The following ITGAD variants were observed in gnomAD, a reference collection of about 807,000 sequenced individuals.
ITGAD encodes integrin subunit alpha D, also known as integrin alpha-D.
ITGAD carries 105 observed loss-of-function variants against 139.0 expected under a neutral mutation model. The observed-to-expected ratio is 0.76, with a 90% CI of 0.65 to 0.89. The LOEUF (loss-of-function observed/expected upper bound fraction) is 0.89. Ranked by LOEUF, ITGAD falls within the 40% of genes least tolerant of loss-of-function variation. The probability of loss-of-function intolerance (pLI) is 0.00; values close to 1 mark genes in which losing one functional copy is unlikely to be tolerated. For synonymous variants in ITGAD, 569 were observed against 598.3 expected (o/e 0.95, Z 0.71); for missense variants, 1,384 against 1,487.3 (o/e 0.93, Z 1.14).
intron 3 of ITGAD, 28 bp downstream of exon 3, chr16:31,397,490 C>T: frequency 6.3e-7 from 1 of 1,579,562 alleles, no homozygotes; most frequent in Non-Finnish European, 8.6e-7. Context: ...AATTGGGCCC[C>T]TCAACCCTCC....
chr16:31,412,417 C>CT (rs760763169), intron 14 of ITGAD, among the ~76,000 whole-genome samples: 1 of 152,202 alleles, frequency 6.6e-6, no homozygotes, highest in South Asian at 2.1e-4. Flanking sequence ...TCACCACAAT[C>CT]TGTTTTCCAA....
chr16:31,405,606 T>C (rs552007323), intron 7 of ITGAD, among the ~76,000 whole-genome samples: 246 of 151,638 alleles, frequency 1.6e-3, no homozygotes, highest in African/African-American at 5.8e-3. Context: ...TGGGTTTTTT[T>C]CCCCCTCATC....
At position 31,407,915 on chromosome 16, in the gene ITGAD, G is replaced by A. The variant is rs1478063797; in HGVS notation, c.1008G>A (p.Glu336=). Residue 336 remains glutamate (E), a splice_region_variant and synonymous_variant, in exon 9 of 30, where the codon GAG becomes GAA. Transcript: ENST00000389202. ...KQLQEKIYAV[E]GTQSRASSSF... is the part of the protein sequence containing the mutation. Reference sequence around the variant, plus strand: ...TGCAGGAGAAGATCTATGCAGTTGAGGGTAAATGGAAGCAAGGGTGCGCCT... The same window carrying A: ...TGCAGGAGAAGATCTATGCAGTTGAAGGTAAATGGAAGCAAGGGTGCGCCT... 24 of 1,581,298 alleles carry A rather than the reference G, an allele frequency of 1.5e-5. No individual in the cohort carries two copies. The highest frequency in any genetic ancestry group is 2.0e-5 in the Non-Finnish European group (23 of 1,155,738).
chr16:31,410,328 C>T lies in ITGAD; in HGVS notation c.1084-67C>T, dbSNP rs911657167. Reference sequence around the variant, plus strand: ...GATGGCGAGTGATGCGGGTGGCAGGCGTGTCTCTGGGATATGCTGTCTTCC... The same window carrying T: ...GATGGCGAGTGATGCGGGTGGCAGGTGTGTCTCTGGGATATGCTGTCTTCC... On this transcript the variant is annotated intron_variant, in intron 10 of 29. Transcript: ENST00000389202. The T allele has an allele frequency of 2.4e-5, 39 of 1,599,674 alleles. No homozygotes were observed. The Middle Eastern group carries it at 6.6e-4, about 27-fold the overall frequency.
intron 7 of ITGAD, among the ~76,000 whole-genome samples, chr16:31,405,640 CTTTTTTTTTTT>C (rs569550173): frequency 3.8e-5 from 4 of 104,016 alleles, no homozygotes; most frequent in African/African-American, 7.7e-5. Context: ...TTTTGTTTTC[CTTTTTTTTTTT>C]TTTTTTTTTT....
At position 31,413,131 on chromosome 16, in the gene ITGAD, C is replaced by T. The variant is rs774564790; in HGVS notation, c.1881C>T (p.Ser627=). The stretch of plus-strand genomic sequence containing the variant: ...AAGTGGGGGTGGCCATGAGATTCAG[C>T]CCTGTGGAGGTGGCCAAGGCTGTGT... The part of the protein sequence containing the change: ...VLKVGVAMRF[S]PVEVAKAVYR... Residue 627 remains serine (S), a synonymous_variant, in exon 16 of 30, where the codon AGC becomes AGT. Transcript: ENST00000389202. 1 of 1,614,026 alleles carries T rather than the reference C, an allele frequency of 6.2e-7. No individual in the cohort carries two copies. Among genetic ancestry groups the T allele is most frequent in the African/African-American group, 1.3e-5 (1 of 74,918 alleles).
At position 31,412,866 on chromosome 16, in the gene ITGAD, G is replaced by C; in HGVS notation, c.1736G>C (p.Arg579Thr). ...QRIASSQLSP[R>T]LQYFGQALSG... ...ATTGCCAGCTCCCAGCTCTCCCCCA[G>C]GCTGCAGTATTTTGGGCAGGCGCTG... is the stretch of plus-strand genomic sequence containing the variant. Residue 579 changes from arginine to threonine, a missense_variant, in exon 15 of 30, where the codon AGG (arginine) becomes ACG (threonine). Transcript: ENST00000389202. 6.2e-7 allele frequency: 1 copy of C among 1,614,082 alleles called. No individual in the cohort carries two copies.
chr16:31,414,816 G>A, intron 17 of ITGAD, 44 bp from the exon 18 acceptor site: 1 of 1,605,556 alleles, frequency 6.2e-7, no homozygotes, highest in South Asian at 1.1e-5. Context: ...TTGTGGTGGA[G>A]CGTAGAGAGG....
chr16:31,409,784 T>C (rs1354185141), intron 10 of ITGAD, among the ~76,000 whole-genome samples: 1 of 151,820 alleles, frequency 6.6e-6, no homozygotes, highest in African/African-American at 2.4e-5. Context: ...TGGTGGCACA[T>C]GCCTGTGGTC....
At chr16:31,412,385 A>G (rs1374813875) in intron 14 of ITGAD, among the ~76,000 whole-genome samples, 1 of 151,716 alleles carries the variant, frequency 6.6e-6, no homozygotes, top group African/African-American at 2.4e-5. Flanking sequence ...CTCCTTTCCA[A>G]TTTCTGTCTT....
Position 31,403,470 on chromosome 16 carries a change from G to A in ITGAD, c.559-30G>A, listed in dbSNP as rs762718130. Reference sequence around the variant, plus strand: ...TAAAAACAATAGTAACAGGCACTGAGCCCTGGGCCCTCCCCACTGGCCTTT... The same window carrying A: ...TAAAAACAATAGTAACAGGCACTGAACCCTGGGCCCTCCCCACTGGCCTTT... On this transcript the variant is annotated intron_variant, in intron 6 of 29. Coordinates refer to ENST00000389202, the MANE Select transcript of ITGAD (RefSeq NM_005353.3). The surrounding 1 kb of genome is among the most constrained non-coding windows in gnomAD (Gnocchi z 4.4). 1 of 1,613,668 alleles carries A rather than the reference G, an allele frequency of 6.2e-7. No individual in the cohort carries two copies. The highest frequency in any genetic ancestry group is 1.7e-5 in the Admixed American group (1 of 59,978).
intron 9 of ITGAD, 34 bp downstream of exon 9, chr16:31,407,950 G>T (rs762183990): frequency 1.9e-6 from 3 of 1,542,498 alleles, no homozygotes; most frequent in Admixed American, 3.9e-5. Context: ...TGGGAGCCAA[G>T]GGGTCCCCAC....
In ITGAD at chr16:31,411,191, T is replaced by C. The variant is rs772405426; in HGVS notation, c.1472T>C (p.Val491Ala). ...TATGAGCAGACCCGAGGGGGCCAGG[T>C]GTCCGTGTGTCCCTTGCCTAGGGGG... ...HYYEQTRGGQ[V>A]SVCPLPRGRV... The change falls in exon 13 of 30, where the codon GTG becomes GCG. Residue 491 changes from valine (V) to alanine (A), a missense_variant. Coordinates refer to ENST00000389202, the MANE Select transcript of ITGAD (RefSeq NM_005353.3). 9.3e-6 allele frequency: 15 copies of C among 1,613,694 alleles called. No homozygotes were observed. Among genetic ancestry groups the C allele is most frequent in the African/African-American group, 1.3e-5 (1 of 74,870 alleles).
chr16:31,397,454 C>G lies in ITGAD; in HGVS notation c.233C>G (p.Pro78Arg), dbSNP rs374336474. The change falls in exon 3 of 30, where the codon CCG becomes CGG. Residue 78 changes from proline (P) to arginine (R), a missense_variant. By Grantham distance (103) the Pro-to-Arg change is moderately radical (BLOSUM62 -2). Coordinates refer to ENST00000389202, the MANE Select transcript of ITGAD (RefSeq NM_005353.3). Reference sequence around the variant, plus strand: ...GCCACCGGCATGTGCCAGCCCATCCCGCTGCACAGTGAGTGACCACCTGGG... The same window carrying G: ...GCCACCGGCATGTGCCAGCCCATCCGGCTGCACAGTGAGTGACCACCTGGG... ...AAATGMCQPIPLHIRPEAVNM... is the reference protein window; with the variant it reads ...AAATGMCQPIRLHIRPEAVNM... The G allele has an allele frequency of 1.3e-6, 2 of 1,594,030 alleles. No individual in the cohort carries two copies. The highest frequency in any genetic ancestry group is 1.7e-6 in the Non-Finnish European group (2 of 1,170,188).
At chr16:31,414,770 T>G in intron 17 of ITGAD, 90 bp from the exon 18 acceptor site, 1 of 1,565,894 alleles carries the variant, frequency 6.4e-7, no homozygotes, top group Non-Finnish European at 8.7e-7. Context: ...GGGAGCACTG[T>G]CAGGGCAGTG....
At position 31,407,920 on chromosome 16, in the gene ITGAD, A is replaced by G. The variant is rs769104807; in HGVS notation, c.1009+4A>G. On this transcript the variant is annotated splice_donor_region_variant and intron_variant, in intron 9 of 29. Transcript: ENST00000389202. ...GAGAAGATCTATGCAGTTGAGGGTA[A>G]ATGGAAGCAAGGGTGCGCCTGGGAG... 7.6e-6 allele frequency: 12 copies of G among 1,577,790 alleles called. No individual in the cohort carries two copies. In the African/African-American group the frequency reaches 1.3e-4, roughly 18 times the overall value.
intron 5 of ITGAD, among the ~76,000 whole-genome samples, 189 bp from the exon 6 acceptor site, chr16:31,401,926 C>T (rs2081415030): frequency 6.6e-6 from 1 of 152,136 alleles, no homozygotes; most frequent in South Asian, 2.1e-4. Flanking sequence ...TGTTGTCATC[C>T]CTCTCTTTCC....
At chr16:31,398,485 C>T (rs189209613) in intron 5 of ITGAD, among the ~76,000 whole-genome samples, 1 of 150,774 alleles carries the variant, frequency 6.6e-6, no homozygotes, top group East Asian at 1.9e-4. Context: ...ACCACCACAC[C>T]CTGCTAATTT....
chr16:31,408,607 C>A, intron 10 of ITGAD, 109 bp downstream of exon 10: 1 of 951,712 alleles, frequency 1.1e-6, no homozygotes, highest in South Asian at 1.4e-5. Context: ...CATCCTCAAT[C>A]GCCAGGGAGA....
Sources: allele counts gnomAD v4.1 joint callset (sites outside exome capture counted in the v4.1 genomes callset), GRCh38; gene constraint gnomAD v4.1.1; non-coding constraint Gnocchi (gnomAD v3.1); transcripts MANE v1.5; gene names NCBI Gene and HGNC (gene_info 2026-07-23, HGNC 2026-07-21).